Variants in TMEM268 observed in about 807,000 individuals in gnomAD.
TMEM268 encodes transmembrane protein C9orf91.
Under a neutral mutation model 39.1 loss-of-function variants are expected in TMEM268, and 24 were observed. The ratio of observed to expected loss-of-function variants is 0.61; its 90% CI spans 0.44 to 0.86. The LOEUF is 0.86. TMEM268 is among the 40% of genes least tolerant of loss of function. The pLI, the probability that TMEM268 is intolerant of heterozygous loss-of-function variation, is 0.00. For missense variants in TMEM268, 409 were observed against 428.6 expected, an observed-to-expected ratio of 0.95 and a Z score of 0.40; for synonymous variants, 176 against 173.5, an observed-to-expected ratio of 1.01 and a Z score of -0.12.
At position 114,617,161 on chromosome 9, in the gene TMEM268, T is replaced by C. The variant is rs1293942553; in HGVS notation, c.-35T>C. The stretch of plus-strand genomic sequence containing the variant: ...GCTGCTCCAGAATGAACCACAGCTC[T>C]GAGAAGGGGAAGTAGAAACAGCTGG... On this transcript the variant is annotated 5_prime_UTR_variant, in exon 2 of 9. It removes the in-frame stop codon of an upstream open reading frame in the 5' UTR. Transcript: ENST00000288502. 2.1e-6 allele frequency: 3 copies of C among 1,403,360 alleles called. No homozygotes were observed. The East Asian group carries it at 6.9e-5, about 32-fold the overall frequency. The allele number at this position is 1,403,360 out of a possible 1,614,324, so 86.9% of individuals were successfully genotyped here. A position where few individuals can be genotyped will look rare whatever the true frequency, so the allele number is the denominator to read the frequency against.
intron 4 of TMEM268, among the ~76,000 whole-genome samples, chr9:114,627,208 C>A (rs1846200721): frequency 6.6e-6 from 1 of 152,094 alleles, no homozygotes; most frequent in African/African-American, 2.4e-5. Context: ...CAGGTCGTTG[C>A]ATAAAGGATG....
chr9:114,613,340 G>T (rs1222933369), intron 1 of TMEM268, among the ~76,000 whole-genome samples: 1 of 152,248 alleles, frequency 6.6e-6, no homozygotes, highest in Non-Finnish European at 1.5e-5. Flanking sequence ...TCCAGCCTGG[G>T]CATGGTCCCT....
At chr9:114,616,734 A>G (rs1218231513) in intron 1 of TMEM268, among the ~76,000 whole-genome samples, 2 of 151,724 alleles carry the variant, frequency 1.3e-5, no homozygotes, top group Non-Finnish European at 2.9e-5. Context: ...CTGTGTGTAA[A>G]CAAGACTCCC....
chr9:114,624,542 A>G, intron 3 of TMEM268, 83 bp downstream of exon 3: 1 of 1,513,550 alleles, frequency 6.6e-7, no homozygotes. Context: ...TTTTCACAAA[A>G]TCTTTATGAA....
At chr9:114,616,017 CT>C (rs58289502) in intron 1 of TMEM268, among the ~76,000 whole-genome samples, 5,456 of 121,234 alleles carry the variant, frequency 0.045, 113 homozygotes, top group East Asian at 0.15. Context: ...TTTTTCTTTT[CT>C]TTTTTTTTTT....
chr9:114,611,533 T>TGGCGGCGGCGGCGGCGGCGGCGGCGGC lies in TMEM268; in HGVS notation c.-85_-84insGCGGCGGCGGCGGCGGCGGCGGCGGCG, dbSNP rs3035396. ...GCCCCCGACCTTCCGCGTCCCGGGG[T>TGGCGGCGGCGGCGGCGGCGGCGGCGGC]GGCGGCGGCGGCGGCGGCGGCGGCG... On this transcript the variant is annotated 5_prime_UTR_variant, in exon 1 of 9. Transcript: ENST00000288502. 2 of 162,680 alleles carry TGGCGGCGGCGGCGGCGGCGGCGGCGGC rather than the reference T, an allele frequency of 1.2e-5. No homozygotes were observed. The highest frequency in any genetic ancestry group is 4.9e-5 in the African/African-American group (2 of 40,448). 10.1% of individuals were successfully genotyped at this position (162,680 alleles called of 1,614,324 possible).
At chr9:114,632,250 G>C (rs934278154) in intron 5 of TMEM268, among the ~76,000 whole-genome samples, 12 of 152,114 alleles carry the variant, frequency 7.9e-5, no homozygotes, top group Non-Finnish European at 1.6e-4. Context: ...TCTTGAACAT[G>C]CAGAATGGTT....
intron 1 of TMEM268, among the ~76,000 whole-genome samples, chr9:114,616,012 C>T (rs1030830286): frequency 7.3e-6 from 1 of 137,746 alleles, no homozygotes. Context: ...TTTCTTTTTT[C>T]TTTTCTTTTT....
chr9:114,643,557 C>A lies in TMEM268; in HGVS notation c.*244C>A. ...AAGCTGATGGTTACAGAGCTAGTCCCACCAAAGCTACTCTCTCTGCTGCTT... is the reference window on the plus strand; with the variant it reads ...AAGCTGATGGTTACAGAGCTAGTCCAACCAAAGCTACTCTCTCTGCTGCTT... On this transcript the variant is annotated 3_prime_UTR_variant, in exon 9 of 9. Transcript: ENST00000288502. 1 of 498,724 alleles carries A rather than the reference C, an allele frequency of 2.0e-6. No individual in the cohort carries two copies. The highest frequency in any genetic ancestry group is 2.7e-5 in the South Asian group (1 of 36,862). 30.9% of individuals were successfully genotyped at this position (498,724 alleles called of 1,614,324 possible).
chr9:114,634,741 T>C (rs968764013), intron 6 of TMEM268, among the ~76,000 whole-genome samples: 2 of 152,144 alleles, frequency 1.3e-5, no homozygotes, highest in Non-Finnish European at 2.9e-5. Flanking sequence ...CGAATGTTTA[T>C]TGAGAGCCTA....
chr9:114,609,742 GGAAAGAAA>G (rs146077247), upstream of TMEM268, among the ~76,000 whole-genome samples: 53,226 of 118,006 alleles, frequency 0.45, 12,369 homozygotes, highest in East Asian at 0.52. Context: ...AAGGAAGGAA[GGAAAGAAA>G]GAAAGAAAGA....
intron 5 of TMEM268, among the ~76,000 whole-genome samples, chr9:114,632,204 G>A (rs988063003): frequency 4.0e-5 from 6 of 151,788 alleles, no homozygotes; most frequent in Admixed American, 6.6e-5. Flanking sequence ...TGTATGCTCA[G>A]TGGGACATTT....
In TMEM268 at chr9:114,617,269, T is replaced by G; in HGVS notation, c.74T>G (p.Leu25Arg). Residue 25 changes from leucine to arginine, a missense_variant, in exon 2 of 9, where the codon CTG becomes CGG. By Grantham distance (102) the Leu-to-Arg change is moderately radical (BLOSUM62 -2). Transcript: ENST00000288502. ...LPPSSPGWSA[L>R]PGGSPPGWGQ... ...CCCTCCTCCCCTGGCTGGAGTGCCC[T>G]GCCTGGAGGGAGCCCTCCTGGCTGG... 1.9e-6 allele frequency: 3 copies of G among 1,613,614 alleles called. No homozygotes were observed. Among genetic ancestry groups the G allele is most frequent in the Admixed American group, 1.7e-5 (1 of 59,968 alleles).
rs781353415 is a variant in TMEM268 at position 114,637,007 on chromosome 9, C to T, written c.603C>T (p.Phe201=). Residue 201 remains phenylalanine (F), a synonymous_variant, in exon 7 of 9, where the codon TTC becomes TTT. Coordinates refer to ENST00000288502, the MANE Select transcript of TMEM268 (RefSeq NM_153045.4). ...QSVIQLWFVY[F]DLENCVQFLS... ...CCCCACAGCTTTGGTTTGTCTACTTCGACCTGGAGAACTGTGTGCAGTTTT... is the reference window on the plus strand; with the variant it reads ...CCCCACAGCTTTGGTTTGTCTACTTTGACCTGGAGAACTGTGTGCAGTTTT... 22 of 1,613,120 alleles carry T rather than the reference C, an allele frequency of 1.4e-5. No individual in the cohort carries two copies. The highest frequency in any genetic ancestry group is 1.6e-4 in the Middle Eastern group (1 of 6,072).
At chr9:114,633,745 T>C in intron 5 of TMEM268, 23 bp from the exon 6 acceptor site, 3 of 1,410,140 alleles carry the variant, frequency 2.1e-6, no homozygotes, top group Non-Finnish European at 2.9e-6. Flanking sequence ...GGTCTGGTGA[T>C]GGGCCTGGCG....
At chr9:114,642,271 C>G (rs10817652) in intron 8 of TMEM268, among the ~76,000 whole-genome samples, 26,837 of 152,188 alleles carry the variant, frequency 0.18, 2,525 homozygotes, top group South Asian at 0.28. Context: ...TAGGTGCCTC[C>G]TATTAGTGGA....
intron 1 of TMEM268, among the ~76,000 whole-genome samples, chr9:114,612,798 G>A (rs891489224): frequency 1.3e-5 from 2 of 152,154 alleles, no homozygotes; most frequent in Admixed American, 1.3e-4. Context: ...TGTTTGTTTT[G>A]TAATTGTCTT....
intron 2 of TMEM268, among the ~76,000 whole-genome samples, chr9:114,621,349 A>AAG: frequency 6.6e-6 from 1 of 151,394 alleles, no homozygotes; most frequent in East Asian, 1.9e-4. Flanking sequence ...CTGTCTCAAA[A>AAG]AAAAAAAAAA....
rs1271769822 is a variant in TMEM268, at chr9:114,624,391, A to G, written c.148A>G (p.Asn50Asp). Residue 50 changes from asparagine (N) to aspartate (D), a missense_variant, in exon 3 of 9, where the codon AAT becomes GAT. Transcript: ENST00000288502. ...GGTCCTCACTGTTCTCCGGATTGAC[A>G]ATACCTGTGCACCCATCTCCTTCGA... Reference protein sequence around the residue: ...GQVLTVLRIDNTCAPISFDLG... With the variant: ...GQVLTVLRIDDTCAPISFDLG... 1.2e-6 allele frequency: 2 copies of G among 1,604,542 alleles called. No individual in the cohort carries two copies. Among genetic ancestry groups the G allele is most frequent in the Admixed American group, 1.7e-5 (1 of 58,940 alleles).
Sources: gnomAD v4.1 joint callset for allele counts (sites outside exome capture counted in the v4.1 genomes callset) on GRCh38, gnomAD v4.1.1 for gene constraint, MANE v1.5 for transcripts, NCBI Gene and HGNC (gene_info 2026-07-23, HGNC 2026-07-21) for gene names.